Variants in TRAF6 observed in about 807,000 individuals in gnomAD.
The protein encoded by TRAF6 is TNF receptor associated factor 6, also known as TNF receptor-associated factor 6.
A neutral mutation model predicts 48.4 loss-of-function variants in TRAF6; 10 were observed. That is an observed-to-expected ratio of 0.21 (90% CI 0.13 to 0.35). The LOEUF (loss-of-function observed/expected upper bound fraction) is 0.35. TRAF6 is among the 10% of genes least tolerant of loss of function. The pLI is 1.00. For missense variants in TRAF6, 397 were observed against 661.0 expected, an observed-to-expected ratio of 0.60 and a Z score of 4.38; for synonymous variants, 186 against 219.6, an observed-to-expected ratio of 0.85 and a Z score of 1.35.
At chr11:36,494,645 A>C (rs534101438) in intron 5 of TRAF6, among the ~76,000 whole-genome samples, 142 of 151,728 alleles carry the variant, frequency 9.4e-4, no homozygotes, top group African/African-American at 2.4e-3. Flanking sequence ...ATATATATAT[A>C]TCTTAGTTTT....
intron 1 of TRAF6, among the ~76,000 whole-genome samples, chr11:36,508,849 G>A (rs1172199511): frequency 6.6e-6 from 1 of 152,172 alleles, no homozygotes; most frequent in Non-Finnish European, 1.5e-5. Context: ...AGGAGGCAAG[G>A]ATTTGAACTT....
At chr11:36,501,616 C>G (rs1859717541) in intron 1 of TRAF6, 79 bp from the exon 2 acceptor site, 1 of 1,078,772 alleles carries the variant, frequency 9.3e-7, no homozygotes, top group South Asian at 2.0e-5. Context: ...CATAGCTTAT[C>G]TATACAAGTC....
At position 36,489,932 on chromosome 11, in the gene TRAF6, G is replaced by A. The variant is rs779910368; in HGVS notation, c.1475C>T (p.Thr492Ile). Residue 492 changes from threonine to isoleucine, a missense_variant, in exon 7 of 7, where the codon ACA becomes ATA. Coordinates refer to ENST00000526995, the MANE Select transcript of TRAF6 (RefSeq NM_004620.4). ...LRQRTFIKDD[T>I]LLVRCEVSTR... ...GGAGACCTCACAGCGCACTAATAAT[G>A]TGTCATCCTTAATGAAAGTTCTTTG... is the stretch of plus-strand genomic sequence containing the variant. 1.9e-6 allele frequency: 3 copies of A among 1,614,144 alleles called. No individual in the cohort carries two copies. The highest frequency in any genetic ancestry group is 2.5e-6 in the Non-Finnish European group (3 of 1,180,022).
intron 1 of TRAF6, among the ~76,000 whole-genome samples, chr11:36,507,134 A>T (rs10768213): frequency 1.2e-5 from 1 of 82,886 alleles, no homozygotes; most frequent in Non-Finnish European, 2.6e-5. Flanking sequence ...TTATACATAC[A>T]TAAATGTATA....
At chr11:36,508,191 T>G (rs1859833695) in intron 1 of TRAF6, among the ~76,000 whole-genome samples, 1 of 152,026 alleles carries the variant, frequency 6.6e-6, no homozygotes, top group Admixed American at 6.6e-5. Context: ...TTACGTGGCT[T>G]TCTACAGGAA....
Position 36,489,495 on chromosome 11 carries a change from T to TAC in TRAF6, c.*342_*343insGT. The stretch of plus-strand genomic sequence containing the variant: ...AAGGAAAATCCATTATTATTAAAAG[T>TAC]TTAGTACTCTTGAGTCTGGACTTTC... On this transcript the variant is annotated 3_prime_UTR_variant, in exon 7 of 7. Coordinates refer to ENST00000526995, the MANE Select transcript of TRAF6 (RefSeq NM_004620.4). The TAC allele has an allele frequency of 4.3e-6, 1 of 234,040 alleles. No individual in the cohort carries two copies. 14.5% of individuals were successfully genotyped at this position (234,040 alleles called of 1,614,324 possible). A position where few individuals can be genotyped will look rare whatever the true frequency, so the allele number is the denominator to read the frequency against.
At position 36,488,449 on chromosome 11, in the gene TRAF6, C is replaced by G. The variant is rs1348146404; in HGVS notation, c.*1389G>C. 3 of 153,000 alleles carry G rather than the reference C, an allele frequency of 2.0e-5. No individual in the cohort carries two copies. The highest frequency in any genetic ancestry group is 4.4e-5 in the Non-Finnish European group (3 of 68,072). 9.5% of individuals were successfully genotyped at this position (153,000 alleles called of 1,614,324 possible). A position where few individuals can be genotyped will look rare whatever the true frequency, so the allele number is the denominator to read the frequency against. ...TGATCTAGAACGCTGGCTGGCGACTCTGATTTGGCCTCTCTGGGGGATACA... is the reference window on the plus strand; with the variant it reads ...TGATCTAGAACGCTGGCTGGCGACTGTGATTTGGCCTCTCTGGGGGATACA... On this transcript the variant is annotated 3_prime_UTR_variant, in exon 7 of 7. Transcript: ENST00000526995.
chr11:36,506,161 C>T (rs1248357990), intron 1 of TRAF6, among the ~76,000 whole-genome samples: 1 of 151,516 alleles, frequency 6.6e-6, no homozygotes, highest in Non-Finnish European at 1.5e-5. Context: ...AAAAAGTATC[C>T]GGGAAGTGCA....
intron 1 of TRAF6, among the ~76,000 whole-genome samples, chr11:36,506,384 C>T (rs1441828930): frequency 3.3e-5 from 5 of 152,070 alleles, no homozygotes; most frequent in African/African-American, 7.2e-5. Context: ...ATTTTCTCTA[C>T]GCTTGACAAC....
At chr11:36,503,070 C>T (rs5030440) in intron 1 of TRAF6, among the ~76,000 whole-genome samples, 1 of 152,134 alleles carries the variant, frequency 6.6e-6, no homozygotes, top group African/African-American at 2.4e-5. Flanking sequence ...GGATCAGAAC[C>T]CACGTCTACC....
At chr11:36,494,386 A>T (rs915624552) in intron 5 of TRAF6, among the ~76,000 whole-genome samples, 1 of 151,940 alleles carries the variant, frequency 6.6e-6, no homozygotes, top group African/African-American at 2.4e-5. Context: ...AAACAAAAAA[A>T]CCCCACCATA....
At chr11:36,500,640 G>A (rs1161700862) in intron 2 of TRAF6, among the ~76,000 whole-genome samples, 2 of 152,306 alleles carry the variant, frequency 1.3e-5, no homozygotes, top group East Asian at 1.9e-4. Flanking sequence ...GAAAGCAGGA[G>A]GCCTGTTAGA....
chr11:36,509,715 A>AC (rs1859875714), intron 1 of TRAF6, among the ~76,000 whole-genome samples: 1 of 152,050 alleles, frequency 6.6e-6, no homozygotes, highest in Non-Finnish European at 1.5e-5. Flanking sequence ...AGGTCAGGGG[A>AC]CAGGGAACGG....
chr11:36,486,799 G>A lies in TRAF6; in HGVS notation c.*3039C>T, dbSNP rs567428607. 4.6e-5 allele frequency among the ~76,000 whole-genome samples: 7 copies of A among 152,208 alleles called. No individual in the cohort carries two copies. Among genetic ancestry groups the A allele is most frequent in the Admixed American group, 3.9e-4 (6 of 15,290 alleles). On this transcript the variant is annotated 3_prime_UTR_variant, in exon 7 of 7. Coordinates refer to ENST00000526995, the MANE Select transcript of TRAF6 (RefSeq NM_004620.4). Reference sequence around the variant, plus strand: ...CGTGCAGCAAGTTTCATCCAACAGTGGGTTGGACGCTGGGCGTGGTGGCTC... The same window carrying A: ...CGTGCAGCAAGTTTCATCCAACAGTAGGTTGGACGCTGGGCGTGGTGGCTC...
intron 1 of TRAF6, among the ~76,000 whole-genome samples, chr11:36,507,956 A>C (rs1191174891): frequency 6.6e-6 from 1 of 151,190 alleles, no homozygotes; most frequent in East Asian, 2.0e-4. Context: ...CTTGGGCTCA[A>C]GTGATCCTCC....
Position 36,485,946 on chromosome 11 carries a change from A to C in TRAF6, c.*3892T>G, listed in dbSNP as rs1859477152. ...TAGAAAAAGCACACTTCAAAATAAA[A>C]ATATAAATGACTACTTATGGCTCCT... On this transcript the variant is annotated 3_prime_UTR_variant, in exon 7 of 7. Coordinates refer to ENST00000526995, the MANE Select transcript of TRAF6 (RefSeq NM_004620.4). Among the ~76,000 whole-genome samples, 1 of 152,126 alleles carries C rather than the reference A, an allele frequency of 6.6e-6. No homozygotes were observed. Among genetic ancestry groups the C allele is most frequent in the African/African-American group, 2.4e-5 (1 of 41,390 alleles).
Position 36,490,768 on chromosome 11 carries a change from C to T in TRAF6, c.757-118G>A. ...TCACACCACTTCCCTCAATTCTCTA[C>T]AATTTTCCTTTGCCTTCAACAGATT... On this transcript the variant is annotated intron_variant, in intron 6 of 6. Transcript: ENST00000526995. The surrounding 1 kb of genome is among the most constrained non-coding windows in gnomAD (Gnocchi z 6.4). The T allele has an allele frequency of 3.3e-6, 3 of 899,524 alleles. 1 individual carries two copies. The highest frequency in any genetic ancestry group is 5.5e-4 in the Middle Eastern group (2 of 3,610). The allele number at this position is 899,524 out of a possible 1,614,324, so 55.7% of individuals were successfully genotyped here.
chr11:36,486,859 C>T lies in TRAF6; in HGVS notation c.*2979G>A, dbSNP rs1859491758. ...ATCCCAGCACTTTGGGAGGCTGAGG[C>T]GGGCGGATCATCTGAGGTCAGGAGT... On this transcript the variant is annotated 3_prime_UTR_variant, in exon 7 of 7. Transcript: ENST00000526995. 6.6e-6 allele frequency among the ~76,000 whole-genome samples: 1 copy of T among 151,996 alleles called. No individual in the cohort carries two copies. The highest frequency in any genetic ancestry group is 2.4e-5 in the African/African-American group (1 of 41,308).
chr11:36,487,027 G>A lies in TRAF6; in HGVS notation c.*2811C>T, dbSNP rs1859494061. ...AATGGCTTGAGCCCGGGAGGTGGAGGTTGCAGTGAGCCGAGGTTGCACCAC... is the reference window on the plus strand; with the variant it reads ...AATGGCTTGAGCCCGGGAGGTGGAGATTGCAGTGAGCCGAGGTTGCACCAC... On this transcript the variant is annotated 3_prime_UTR_variant, in exon 7 of 7. Transcript: ENST00000526995. 6.6e-6 allele frequency: 1 copy of A among 151,666 alleles called. No individual in the cohort carries two copies. Among genetic ancestry groups the A allele is most frequent in the Admixed American group, 6.6e-5 (1 of 15,242 alleles). The allele number at this position is 151,666 out of a possible 1,614,324, so 9.4% of individuals were successfully genotyped here.
Sources: allele counts gnomAD v4.1 joint callset (sites outside exome capture counted in the v4.1 genomes callset), GRCh38; gene constraint gnomAD v4.1.1; non-coding constraint Gnocchi (gnomAD v3.1); transcripts MANE v1.5; gene names NCBI Gene and HGNC (gene_info 2026-07-23, HGNC 2026-07-21).